The following PTPN1 variants were observed in gnomAD, a reference collection of about 807,000 sequenced individuals.
PTPN1 encodes the protein tyrosine-protein phosphatase non-receptor type 1.
In PTPN1, 12 loss-of-function variants were observed where a neutral mutation model predicts 59.9. The ratio of observed to expected loss-of-function variants is 0.20; its 90% CI spans 0.13 to 0.32. PTPN1 has a LOEUF of 0.32. PTPN1 is among the 10% of genes least tolerant of loss of function. PTPN1 has a pLI of 1.00. For missense variants in PTPN1, 356 were observed against 549.2 expected (o/e 0.65, Z 3.52); for synonymous variants, 178 against 203.6 (o/e 0.87, Z 1.07).
chr20:50,578,329 A>AT (rs3215684), intron 5 of PTPN1, 91 bp from the exon 6 acceptor site: 691,421 of 1,080,034 alleles, frequency 0.64, 222,650 homozygotes, highest in East Asian at 0.71. Context: ...TTAGAGGTAG[A>AT]GAGTGGAAGG....
intron 4 of PTPN1, chr20:50,573,174 G>A (rs1041430887): frequency 6.6e-6 from 1 of 152,260 alleles, no homozygotes; most frequent in Non-Finnish European, 1.5e-5. Flanking sequence ...CCCTCCTCAC[G>A]TGCTTCCTGG....
At chr20:50,545,967 A>T (rs761463729) in intron 1 of PTPN1, among the ~76,000 whole-genome samples, 2 of 151,956 alleles carry the variant, frequency 1.3e-5, no homozygotes, top group Non-Finnish European at 2.9e-5. Flanking sequence ...GAGCCCTAGA[A>T]GTCGAGGCTT....
chr20:50,534,097 G>A (rs1375761756), intron 1 of PTPN1, among the ~76,000 whole-genome samples: 4 of 152,066 alleles, frequency 2.6e-5, no homozygotes, highest in Non-Finnish European at 5.9e-5. Flanking sequence ...ATGCCAGACT[G>A]ATTTTTGTAT....
rs1568798038 is a variant in PTPN1, at chr20:50,579,341, C to G, written c.864+12C>G. On this transcript the variant is annotated intron_variant, in intron 7 of 9. Transcript: ENST00000371621. The stretch of plus-strand genomic sequence containing the variant: ...ACTCTTCCGTGCAGGTCAGCATTGC[C>G]TTTGTTTGAATCCAGGTGTGACCAT... 3.7e-6 allele frequency: 6 copies of G among 1,610,298 alleles called. No individual in the cohort carries two copies. Among genetic ancestry groups the G allele is most frequent in the Non-Finnish European group, 3.4e-6 (4 of 1,177,316 alleles).
At chr20:50,578,174 G>C in intron 5 of PTPN1, 1 of 492,158 alleles carries the variant, frequency 2.0e-6, no homozygotes. Flanking sequence ...AAGAGGTGAG[G>C]GGACTCTTCA....
chr20:50,559,854 C>T (rs1213130743), intron 1 of PTPN1, among the ~76,000 whole-genome samples: 2 of 149,896 alleles, frequency 1.3e-5, no homozygotes, highest in African/African-American at 2.5e-5. Flanking sequence ...TTTGTTTCCC[C>T]CAAGGGTTTT....
At chr20:50,546,902 G>A (rs549010184) in intron 1 of PTPN1, among the ~76,000 whole-genome samples, 4 of 152,174 alleles carry the variant, frequency 2.6e-5, no homozygotes, top group South Asian at 4.1e-4. Context: ...ACTGTCCTCC[G>A]GCAAACAGCA....
At chr20:50,561,137 G>A (rs1032288968) in intron 1 of PTPN1, among the ~76,000 whole-genome samples, 1 of 152,054 alleles carries the variant, frequency 6.6e-6, no homozygotes, top group African/African-American at 2.4e-5. Flanking sequence ...CCTCCTGTCT[G>A]TCTCTCTGCC....
intron 1 of PTPN1, among the ~76,000 whole-genome samples, chr20:50,533,217 C>G (rs571310853): frequency 2.0e-4 from 30 of 152,266 alleles, no homozygotes; most frequent in African/African-American, 6.5e-4. Context: ...TCCCAGATGA[C>G]TAATCTTGTA....
intron 1 of PTPN1, among the ~76,000 whole-genome samples, chr20:50,528,820 C>G (rs904244700): frequency 5.3e-5 from 8 of 151,524 alleles, no homozygotes; most frequent in African/African-American, 1.5e-4. Context: ...TTAGAAGGTT[C>G]ATGAATTGGA....
chr20:50,548,529 G>T (rs1375914420), intron 1 of PTPN1, among the ~76,000 whole-genome samples: 3 of 151,626 alleles, frequency 2.0e-5, no homozygotes, highest in African/African-American at 7.3e-5. Flanking sequence ...GGACTCAAGC[G>T]ACCTTCCCAC....
Position 50,578,587 on chromosome 20 carries a change from C to A in PTPN1, c.660C>A (p.Gly220=). The part of the protein sequence containing the change: ...PVVVHCSAGI[G]RSGTFCLADT... ...TGGTGCACTGCAGTGCAGGCATCGG[C>A]AGGTCTGGAACCTTCTGTCTGGCTG... Residue 220 remains glycine, a synonymous_variant, in exon 6 of 10, where the codon GGC becomes GGA. Transcript: ENST00000371621. 2 of 1,614,192 alleles carry A rather than the reference C, an allele frequency of 1.2e-6. No homozygotes were observed. The highest frequency in any genetic ancestry group is 1.7e-6 in the Non-Finnish European group (2 of 1,180,036).
intron 9 of PTPN1, among the ~76,000 whole-genome samples, 197 bp downstream of exon 9, chr20:50,581,657 C>T (rs907183115): frequency 6.6e-6 from 1 of 152,092 alleles, no homozygotes; most frequent in Non-Finnish European, 1.5e-5. Flanking sequence ...TTTAAGGAGC[C>T]CTCTGGTCCC....
chr20:50,549,723 C>G (rs930866773), intron 1 of PTPN1, among the ~76,000 whole-genome samples: 1 of 152,124 alleles, frequency 6.6e-6, no homozygotes, highest in Non-Finnish European at 1.5e-5. Flanking sequence ...TACTGATTAG[C>G]TTAATTTTAA....
Position 50,582,093 on chromosome 20 carries a change from A to G in PTPN1, c.1285-599A>G, listed in dbSNP as rs1415034342. On this transcript the variant is annotated intron_variant, in intron 9 of 9. Coordinates refer to ENST00000371621, the MANE Select transcript of PTPN1 (RefSeq NM_002827.4). The surrounding 1 kb of genome is among the most constrained non-coding windows in gnomAD (Gnocchi z 4.2). ...AGAACAGCAACAAAAGGCCGTCTAG[A>G]AAAACAGAACCTGCCTCTGCTTCTG... is the stretch of plus-strand genomic sequence containing the variant. 6.6e-6 allele frequency among the ~76,000 whole-genome samples: 1 copy of G among 152,248 alleles called. No individual in the cohort carries two copies. Among genetic ancestry groups the G allele is most frequent in the African/African-American group, 2.4e-5 (1 of 41,462 alleles).
At chr20:50,545,448 C>T (rs779989804) in intron 1 of PTPN1, among the ~76,000 whole-genome samples, 4 of 152,160 alleles carry the variant, frequency 2.6e-5, no homozygotes, top group African/African-American at 4.8e-5. Flanking sequence ...TAAATCTTTG[C>T]TGTTTATTCA....
At chr20:50,534,740 T>A (rs532084414) in intron 1 of PTPN1, among the ~76,000 whole-genome samples, 2 of 152,046 alleles carry the variant, frequency 1.3e-5, no homozygotes, top group South Asian at 2.1e-4. Flanking sequence ...CTTTTTTTTT[T>A]AAAGAGATGC....
intron 1 of PTPN1, among the ~76,000 whole-genome samples, chr20:50,536,244 A>G (rs774039180): frequency 5.9e-5 from 9 of 152,222 alleles, no homozygotes; most frequent in East Asian, 3.8e-4. Context: ...ACTTTTCCCT[A>G]TAAGGCAGTG....
At chr20:50,539,645 T>G (rs1205211093) in intron 1 of PTPN1, among the ~76,000 whole-genome samples, 1 of 44,250 alleles carries the variant, frequency 2.3e-5, no homozygotes, top group African/African-American at 1.9e-4. Flanking sequence ...TCTTTCTCTC[T>G]TTTTTTTTTT....
Sources: allele counts gnomAD v4.1 joint callset (sites outside exome capture counted in the v4.1 genomes callset), GRCh38; gene constraint gnomAD v4.1.1; non-coding constraint Gnocchi (gnomAD v3.1); transcripts MANE v1.5; gene names NCBI Gene and HGNC (gene_info 2026-07-23, HGNC 2026-07-21).